The following GRID2 variants were observed in gnomAD, a reference collection of about 807,000 sequenced individuals.
GRID2 encodes the protein glutamate receptor ionotropic, delta-2.
In GRID2, 33 loss-of-function variants were observed where a neutral mutation model predicts 114.8. The ratio of observed to expected loss-of-function variants is 0.29; its 90% CI spans 0.22 to 0.38. GRID2 has a LOEUF of 0.38. Among genes scored for constraint, GRID2 ranks in the 10% least tolerant of loss-of-function variants. The probability of loss-of-function intolerance (pLI) is 1.00; values close to 1 mark genes in which losing one functional copy is unlikely to be tolerated. For missense variants in GRID2, 1,184 were observed against 1,257.7 expected (o/e 0.94, Z 0.89); for synonymous variants, 505 against 449.9 (o/e 1.12, Z -1.55).
At chr4:93,041,222 G>A (rs1213108514) in intron 2 of GRID2, among the ~76,000 whole-genome samples, 2 of 152,152 alleles carry the variant, frequency 1.3e-5, no homozygotes, top group African/African-American at 4.8e-5. Context: ...CATCTAGTGG[G>A]AGAATCAGGT....
At chr4:92,475,483 A>G (rs547835942) in intron 1 of GRID2, among the ~76,000 whole-genome samples, 79 of 151,592 alleles carry the variant, frequency 5.2e-4, no homozygotes, top group Non-Finnish European at 9.7e-4. Context: ...ATGGCAGTAC[A>G]TGTGTGGATT....
chr4:93,117,830 C>G (rs1422380568), intron 4 of GRID2, among the ~76,000 whole-genome samples: 1 of 152,008 alleles, frequency 6.6e-6, no homozygotes, highest in Admixed American at 6.6e-5. Context: ...GCCACGAGTT[C>G]AATGTTAAAG....
At chr4:92,958,676 G>T (rs867099887) in intron 2 of GRID2, among the ~76,000 whole-genome samples, 1 of 152,022 alleles carries the variant, frequency 6.6e-6, no homozygotes, top group Non-Finnish European at 1.5e-5. Flanking sequence ...AGGTAATGCT[G>T]ACTTCATAGA....
intron 2 of GRID2, among the ~76,000 whole-genome samples, chr4:92,877,164 T>C (rs541062323): frequency 6.6e-6 from 1 of 152,304 alleles, no homozygotes; most frequent in African/African-American, 2.4e-5. Context: ...GAAACTTAAA[T>C]GACAAGGAAA....
At chr4:93,531,898 C>T (rs1348342754) in intron 13 of GRID2, among the ~76,000 whole-genome samples, 1 of 151,032 alleles carries the variant, frequency 6.6e-6, no homozygotes, top group Non-Finnish European at 1.5e-5. Context: ...ACAATTTTAC[C>T]ACATTTTAGA....
intron 14 of GRID2, among the ~76,000 whole-genome samples, chr4:93,739,866 G>C (rs1486688858): frequency 6.6e-6 from 1 of 152,096 alleles, no homozygotes; most frequent in East Asian, 1.9e-4. Flanking sequence ...TAACAATAAA[G>C]GCCAGTCTCA....
chr4:92,674,514 T>C (rs1733237156), intron 2 of GRID2, among the ~76,000 whole-genome samples: 1 of 152,060 alleles, frequency 6.6e-6, no homozygotes, highest in Non-Finnish European at 1.5e-5. Flanking sequence ...TACCCATTTG[T>C]TTATTTATTA....
intron 1 of GRID2, among the ~76,000 whole-genome samples, chr4:92,360,144 T>G (rs1353964447): frequency 6.6e-6 from 1 of 152,012 alleles, no homozygotes; most frequent in Non-Finnish European, 1.5e-5. Context: ...TAGTTTTCCC[T>G]TACTGTTATT....
intron 2 of GRID2, among the ~76,000 whole-genome samples, chr4:92,767,900 TAGTG>T (rs1738343412): frequency 6.7e-6 from 1 of 148,626 alleles, no homozygotes; most frequent in African/African-American, 2.5e-5. Flanking sequence ...CTCACCAACA[TAGTG>T]AGCCATCATC....
At chr4:93,615,120 G>C (rs567388109) in intron 13 of GRID2, among the ~76,000 whole-genome samples, 1 of 152,220 alleles carries the variant, frequency 6.6e-6, no homozygotes, top group Admixed American at 6.5e-5. Flanking sequence ...ACAAGCATTT[G>C]ACTATAAAAT....
chr4:93,412,240 C>A (rs10018914), intron 9 of GRID2, among the ~76,000 whole-genome samples: 71,244 of 145,526 alleles, frequency 0.49, 17,840 homozygotes, highest in East Asian at 0.55. Context: ...CCCCCCCCCC[C>A]AAAAAAAAAT....
At chr4:92,874,893 A>G (rs1745511294) in intron 2 of GRID2, among the ~76,000 whole-genome samples, 1 of 152,166 alleles carries the variant, frequency 6.6e-6, no homozygotes, top group South Asian at 2.1e-4. Context: ...TTTTTCAAAA[A>G]CTTTCTGATG....
chr4:93,199,069 GC>G (rs1359261325), intron 4 of GRID2, among the ~76,000 whole-genome samples: 1 of 152,052 alleles, frequency 6.6e-6, no homozygotes, highest in African/African-American at 2.4e-5. Context: ...TCCTGATGGT[GC>G]CAAAAGTTAC....
chr4:93,110,226 C>T (rs917011451), intron 3 of GRID2, among the ~76,000 whole-genome samples: 4 of 152,020 alleles, frequency 2.6e-5, no homozygotes, highest in Non-Finnish European at 5.9e-5. Context: ...TCTAAGTTAC[C>T]TGAGGCCCTT....
chr4:93,247,595 T>C (rs1748354306), intron 8 of GRID2, among the ~76,000 whole-genome samples: 1 of 152,078 alleles, frequency 6.6e-6, no homozygotes, highest in Middle Eastern at 3.2e-3. Flanking sequence ...TTGGCTCTCT[T>C]GTTTCTTAGG....
intron 1 of GRID2, among the ~76,000 whole-genome samples, chr4:92,372,200 A>G (rs1402937896): frequency 6.6e-6 from 1 of 152,190 alleles, no homozygotes; most frequent in Non-Finnish European, 1.5e-5. Context: ...TAATAGATTT[A>G]GAGTATTTAA....
chr4:92,797,219 A>G (rs1020605379), intron 2 of GRID2, among the ~76,000 whole-genome samples: 3 of 151,952 alleles, frequency 2.0e-5, no homozygotes, highest in Non-Finnish European at 4.4e-5. Flanking sequence ...ATGGTATTGC[A>G]TTCAACATAA....
At chr4:93,300,159 G>T (rs2149165640) in intron 8 of GRID2, among the ~76,000 whole-genome samples, 1 of 152,122 alleles carries the variant, frequency 6.6e-6, no homozygotes, top group Admixed American at 6.5e-5. Context: ...TGCCCAGACT[G>T]GTCTCAAACT....
chr4:93,345,432 A>G (rs1234740406), intron 8 of GRID2, among the ~76,000 whole-genome samples: 1 of 151,972 alleles, frequency 6.6e-6, no homozygotes, highest in Non-Finnish European at 1.5e-5. Context: ...CCTGTTGGCC[A>G]TTTGCATGTC....
Sources: gnomAD v4.1 joint callset for allele counts (sites outside exome capture counted in the v4.1 genomes callset) on GRCh38, gnomAD v4.1.1 for gene constraint, MANE v1.5 for transcripts, NCBI Gene and HGNC (gene_info 2026-07-23, HGNC 2026-07-21) for gene names.